PAK2: variants seen among roughly 807,000 people sequenced by gnomAD.
The protein encoded by PAK2 is serine/threonine-protein kinase PAK 2.
A neutral mutation model predicts 65.9 loss-of-function variants in PAK2; 21 were observed. The observed-to-expected ratio is 0.32, with a 90% CI of 0.23 to 0.46. The LOEUF is 0.46. Among genes scored for constraint, PAK2 ranks in the 20% least tolerant of loss-of-function variants. The pLI is 1.00. For missense variants in PAK2, 324 were observed against 642.6 expected (o/e 0.50, Z 5.36); for synonymous variants, 204 against 219.7 (o/e 0.93, Z 0.63).
intron 2 of PAK2, among the ~76,000 whole-genome samples, chr3:196,794,059 AG>A (rs1715164979): frequency 6.6e-6 from 1 of 152,208 alleles, no homozygotes; most frequent in South Asian, 2.1e-4. Context: ...TGAACCTGGG[AG>A]GCGGAGGTTG....
At chr3:196,785,714 G>T (rs1479983612) in intron 2 of PAK2, among the ~76,000 whole-genome samples, 1 of 152,206 alleles carries the variant, frequency 6.6e-6, no homozygotes, top group African/African-American at 2.4e-5. Context: ...AGGGTTTATT[G>T]GACTTACAGT....
chr3:196,828,370 A>T lies in PAK2; in HGVS notation c.1540A>T (p.Met514Leu), dbSNP rs535709960. The T allele has an allele frequency of 6.2e-7, 1 of 1,610,770 alleles. No homozygotes were observed. The highest frequency in any genetic ancestry group is 1.3e-5 in the African/African-American group (1 of 74,924). Reference protein sequence around the residue: ...KPLSSLTPLIMAAKEAMKSNR With the variant: ...KPLSSLTPLILAAKEAMKSNR ...GTTATCTAGCTTGACACCACTGATC[A>T]TGGCAGCTAAAGAAGCAATGAAGAG... Residue 514 changes from methionine (M) to leucine (L), a missense_variant, in exon 15 of 15, where the codon ATG becomes TTG. Met to Leu is a conservative substitution (Grantham distance 15, BLOSUM62 2). Transcript: ENST00000327134.
chr3:196,812,153 C>A, intron 8 of PAK2, 66 bp from the exon 9 acceptor site: 2 of 893,990 alleles, frequency 2.2e-6, no homozygotes, highest in South Asian at 2.6e-5. Flanking sequence ...AGTGTAAAGT[C>A]TTTGGATATT....
Position 196,789,471 on chromosome 3 carries a change from T to TTTTCTTA in PAK2, c.187+6644_187+6645insATTTCTT, listed in dbSNP as rs1714996644. Among the ~76,000 whole-genome samples, 3 of 137,666 alleles carry TTTTCTTA rather than the reference T, an allele frequency of 2.2e-5. No individual in the cohort carries two copies. The South Asian group carries it at 6.6e-4, about 30-fold the overall frequency. 90.3% of individuals were successfully genotyped at this position (137,666 alleles called of 152,430 possible). A position where few individuals can be genotyped will look rare whatever the true frequency, so the allele number is the denominator to read the frequency against. ...GGGTAATGGTTTCATGGAAAACAATTTTTCTTTTTTCTTTTTTGTTTCATC... is the reference window on the plus strand; with the variant it reads ...GGGTAATGGTTTCATGGAAAACAATTTTTCTTATTTCTTTTTTCTTTTTTGTTTCATC... On this transcript the variant is annotated intron_variant, in intron 2 of 14. Coordinates refer to ENST00000327134, the MANE Select transcript of PAK2 (RefSeq NM_002577.4).
At chr3:196,761,071 A>G (rs1200904302) in intron 1 of PAK2, among the ~76,000 whole-genome samples, 2 of 152,034 alleles carry the variant, frequency 1.3e-5, no homozygotes, top group African/African-American at 2.4e-5. Context: ...TCTACTAAAA[A>G]TACAAAATTA....
intron 1 of PAK2, among the ~76,000 whole-genome samples, chr3:196,761,010 A>C (rs921178442): frequency 1.3e-5 from 2 of 152,052 alleles, no homozygotes; most frequent in African/African-American, 4.8e-5. Context: ...GCTGAGGCGG[A>C]TGGAGATCAG....
chr3:196,805,745 A>G (rs1715562782), intron 5 of PAK2, among the ~76,000 whole-genome samples: 1 of 152,098 alleles, frequency 6.6e-6, no homozygotes, highest in African/African-American at 2.4e-5. Context: ...AAGGTGCTGA[A>G]CAGTTGAACC....
intron 14 of PAK2, 80 bp downstream of exon 14, chr3:196,827,413 G>A (rs1711914241): frequency 6.5e-7 from 1 of 1,542,166 alleles, no homozygotes; most frequent in Admixed American, 2.1e-5. Flanking sequence ...GGGCTAATAA[G>A]TAGATTTCAC....
At chr3:196,827,441 C>T (rs887165200) in intron 14 of PAK2, 108 bp downstream of exon 14, 166 of 1,510,154 alleles carry the variant, frequency 1.1e-4, no homozygotes, top group Non-Finnish European at 1.3e-4. Context: ...TGATCACCAG[C>T]GGTATGGCAG....
At chr3:196,751,227 G>A (rs1256101694) in intron 1 of PAK2, among the ~76,000 whole-genome samples, 3 of 152,086 alleles carry the variant, frequency 2.0e-5, no homozygotes, top group Admixed American at 6.6e-5. Context: ...GTTGAGCATC[G>A]CTAATCTGAA....
rs58308557 is a variant in PAK2, at chr3:196,804,560, C to G, written c.437-792C>G. ...TCGGCTTGCCAGAACCCCCGCCTCC[C>G]GGGTTCAAGCAATTCTCCTGCCTCA... On this transcript the variant is annotated intron_variant, in intron 4 of 14. Coordinates refer to ENST00000327134, the MANE Select transcript of PAK2 (RefSeq NM_002577.4). Among the ~76,000 whole-genome samples, 717 of 152,148 alleles carry G rather than the reference C, an allele frequency of 4.7e-3. 6 individuals are homozygous for G. Among genetic ancestry groups the G allele is most frequent in the African/African-American group, 0.017 (695 of 41,516 alleles).
rs1712106638 is a variant in PAK2, at chr3:196,832,018, C to T, written c.*3613C>T. On this transcript the variant is annotated 3_prime_UTR_variant, in exon 15 of 15. Coordinates refer to ENST00000327134, the MANE Select transcript of PAK2 (RefSeq NM_002577.4). Reference sequence around the variant, plus strand: ...ACACATTCTTTTTTCTCAGTCAACACATTGATTGAACACTCTGGCAAAGAT... The same window carrying T: ...ACACATTCTTTTTTCTCAGTCAACATATTGATTGAACACTCTGGCAAAGAT... The T allele has an allele frequency of 6.6e-6, 1 of 152,112 alleles. No homozygotes were observed. Among genetic ancestry groups the T allele is most frequent in the Non-Finnish European group, 1.5e-5 (1 of 68,018 alleles). The allele number at this position is 152,112 out of a possible 1,614,324, so 9.4% of individuals were successfully genotyped here.
chr3:196,820,322 C>T lies in PAK2; in HGVS notation c.1154-49C>T, dbSNP rs1711606719. ...ACATAATCTGAAGTGAACTCTTCTG[C>T]TAAAACCATCCATGGAAGCCATTAA... On this transcript the variant is annotated intron_variant, in intron 12 of 14. Coordinates refer to ENST00000327134, the MANE Select transcript of PAK2 (RefSeq NM_002577.4). The surrounding 1 kb of genome is among the most constrained non-coding windows in gnomAD (Gnocchi z 4.6). The T allele has an allele frequency of 8.6e-7, 1 of 1,164,468 alleles. No individual in the cohort carries two copies. Among genetic ancestry groups the T allele is most frequent in the African/African-American group, 1.5e-5 (1 of 64,622 alleles). The allele number at this position is 1,164,468 out of a possible 1,614,324, so 72.1% of individuals were successfully genotyped here.
At chr3:196,749,989 C>CTT (rs199605682) in intron 1 of PAK2, among the ~76,000 whole-genome samples, 64,684 of 141,056 alleles carry the variant, frequency 0.46, 15,230 homozygotes, top group Non-Finnish European at 0.53. Flanking sequence ...CTGGCTATTT[C>CTT]TTTTTTTTTT....
intron 1 of PAK2, among the ~76,000 whole-genome samples, chr3:196,748,581 G>C (rs1402689596): frequency 6.6e-6 from 1 of 152,130 alleles, no homozygotes; most frequent in African/African-American, 2.4e-5. Flanking sequence ...ATTATATAGC[G>C]TGTAGCCTTT....
intron 1 of PAK2, among the ~76,000 whole-genome samples, chr3:196,750,259 G>A (rs1317354217): frequency 6.6e-6 from 1 of 151,902 alleles, no homozygotes; most frequent in Non-Finnish European, 1.5e-5. Context: ...CAAAGTGCTG[G>A]GATTACAGGC....
chr3:196,794,132 A>G (rs1490955206), intron 2 of PAK2, among the ~76,000 whole-genome samples: 1 of 152,216 alleles, frequency 6.6e-6, no homozygotes, highest in Non-Finnish European at 1.5e-5. Flanking sequence ...CTCTGTCTCA[A>G]ATAAAAAAAG....
chr3:196,774,809 A>G (rs1714482950), intron 1 of PAK2, among the ~76,000 whole-genome samples: 1 of 152,208 alleles, frequency 6.6e-6, no homozygotes, highest in South Asian at 2.1e-4. Context: ...TATTTAACCA[A>G]TTCTGACTTC....
chr3:196,749,076 CTTTTCT>C (rs1217271874), intron 1 of PAK2, among the ~76,000 whole-genome samples: 3 of 118,020 alleles, frequency 2.5e-5, no homozygotes, highest in Admixed American at 8.1e-5. Context: ...GTCAGAAGTT[CTTTTCT>C]TTTTTTTTTG....
Sources: gnomAD v4.1 joint callset for allele counts (sites outside exome capture counted in the v4.1 genomes callset) on GRCh38, gnomAD v4.1.1 for gene constraint, Gnocchi (gnomAD v3.1) non-coding constraint, MANE v1.5 for transcripts, NCBI Gene and HGNC (gene_info 2026-07-23, HGNC 2026-07-21) for gene names.